Variants in IQGAP1 observed in about 807,000 individuals in gnomAD.
IQGAP1 encodes IQ motif containing GTPase activating protein 1.
In IQGAP1, 66 loss-of-function variants were observed where a neutral mutation model predicts 215.6. That is an observed-to-expected ratio of 0.31 (90% confidence interval 0.25 to 0.38). IQGAP1 has a LOEUF of 0.38. Among genes scored for constraint, IQGAP1 ranks in the 10% least tolerant of loss-of-function variants. The probability of loss-of-function intolerance (pLI) is 1.00; values close to 1 mark genes in which losing one functional copy is unlikely to be tolerated. For missense variants in IQGAP1, 1,712 were observed against 1,997.1 expected, an observed-to-expected ratio of 0.86 and a Z score of 2.72; for synonymous variants, 772 against 728.7, an observed-to-expected ratio of 1.06 and a Z score of -0.96.
At chr15:90,443,983 G>C (rs1297244748) in intron 9 of IQGAP1, among the ~76,000 whole-genome samples, 1 of 151,902 alleles carries the variant, frequency 6.6e-6, no homozygotes, top group East Asian at 1.9e-4. Flanking sequence ...AGAATTGCTT[G>C]AACCTGGGAG....
Position 90,466,090 on chromosome 15 carries a change from G to A in IQGAP1, c.1866G>A (p.Lys622=). 6.2e-7 allele frequency: 1 copy of A among 1,613,668 alleles called. No individual in the cohort carries two copies. ...ACAAAGACACCCAAGAAGCACAGAA[G>A]TGTATGTATCACCTGTTTTATTTCT... ...QSNKDTQEAQ[K]FALGIFAINE... is the part of the protein sequence containing the mutation. The change falls in exon 16 of 38, where the codon AAG becomes AAA. Residue 622 remains lysine (K), a splice_region_variant and synonymous_variant. Coordinates refer to ENST00000268182, the MANE Select transcript of IQGAP1 (RefSeq NM_003870.4).
chr15:90,445,039 T>C (rs1965507611), intron 9 of IQGAP1, among the ~76,000 whole-genome samples: 1 of 152,232 alleles, frequency 6.6e-6, no homozygotes, highest in Admixed American at 6.5e-5. Context: ...GGAGGATTGC[T>C]TGAGCCCAGG....
At chr15:90,411,915 T>C (rs1964971861) in intron 2 of IQGAP1, among the ~76,000 whole-genome samples, 1 of 152,130 alleles carries the variant, frequency 6.6e-6, no homozygotes, top group East Asian at 1.9e-4. Context: ...CGAAAAACTT[T>C]ATTGGAGTTT....
chr15:90,481,013 G>A (rs1179558125), intron 26 of IQGAP1, among the ~76,000 whole-genome samples: 1 of 152,128 alleles, frequency 6.6e-6, no homozygotes, highest in African/African-American at 2.4e-5. Context: ...ACCTCAAATT[G>A]GGTGGCTTAA....
chr15:90,446,729 C>T (rs1177952445), intron 9 of IQGAP1, among the ~76,000 whole-genome samples: 1 of 152,080 alleles, frequency 6.6e-6, no homozygotes, highest in Non-Finnish European at 1.5e-5. Flanking sequence ...GCAATGAGGC[C>T]ATTGATGCTG....
intron 19 of IQGAP1, 34 bp downstream of exon 19, chr15:90,473,044 G>A (rs1965927518): frequency 6.3e-7 from 1 of 1,596,936 alleles, no homozygotes; most frequent in African/African-American, 1.3e-5. Context: ...ACAGCAAGCG[G>A]GCATCTAGAG....
At position 90,474,153 on chromosome 15, in the gene IQGAP1, T is replaced by G. The variant is rs780433995; in HGVS notation, c.2575+20T>G. On this transcript the variant is annotated intron_variant, in intron 22 of 37. Transcript: ENST00000268182. ...CTCTCAGTGAGTAACTGGCTCCGCA[T>G]GAAGAGTTGAGGCAGTGGCTGGGAG... The G allele has an allele frequency of 1.9e-6, 3 of 1,596,510 alleles. No individual in the cohort carries two copies. The highest frequency in any genetic ancestry group is 1.4e-5 in the African/African-American group (1 of 74,056).
intron 5 of IQGAP1, among the ~76,000 whole-genome samples, chr15:90,438,834 C>T (rs975042963): frequency 2.0e-5 from 3 of 151,888 alleles, no homozygotes; most frequent in Non-Finnish European, 2.9e-5. Flanking sequence ...AAGCAATTCT[C>T]CTGCCTCAGC....
chr15:90,412,250 A>G (rs531007291), intron 2 of IQGAP1, among the ~76,000 whole-genome samples: 16 of 152,278 alleles, frequency 1.1e-4, no homozygotes, highest in East Asian at 5.8e-4. Flanking sequence ...GGCCTAATTT[A>G]TACTCAGGTT....
intron 15 of IQGAP1, among the ~76,000 whole-genome samples, chr15:90,460,235 A>G (rs1330770287): frequency 3.9e-5 from 6 of 152,176 alleles, no homozygotes; most frequent in Admixed American, 3.9e-4. Flanking sequence ...TGCCCATTTT[A>G]TATTTCATGA....
At chr15:90,416,215 C>T (rs1014002607) in intron 2 of IQGAP1, among the ~76,000 whole-genome samples, 1 of 151,518 alleles carries the variant, frequency 6.6e-6, no homozygotes, top group Non-Finnish European at 1.5e-5. Flanking sequence ...GTTCCCATGT[C>T]CCTACAAAGG....
chr15:90,473,041 G>C, intron 19 of IQGAP1, 31 bp downstream of exon 19: 1 of 1,602,440 alleles, frequency 6.2e-7, no homozygotes, highest in Non-Finnish European at 8.5e-7. Context: ...CAGACAGCAA[G>C]CGGGCATCTA....
intron 10 of IQGAP1, 118 bp from the exon 11 acceptor site, chr15:90,449,441 T>A: frequency 1.3e-6 from 1 of 789,680 alleles, no homozygotes; most frequent in South Asian, 1.9e-5. Context: ...TAGCCTGAGC[T>A]GTCACTTATG....
chr15:90,390,348 G>A (rs140284672), intron 1 of IQGAP1, among the ~76,000 whole-genome samples: 3 of 152,324 alleles, frequency 2.0e-5, no homozygotes, highest in Non-Finnish European at 4.4e-5. Flanking sequence ...CAGGATTGTT[G>A]TGGGGTTTCA....
intron 33 of IQGAP1, among the ~76,000 whole-genome samples, chr15:90,488,199 C>T (rs923931859): frequency 1.3e-5 from 2 of 151,048 alleles, no homozygotes; most frequent in Admixed American, 6.6e-5. Flanking sequence ...CCAGCCTGGG[C>T]GACAGAGCGA....
At chr15:90,426,750 C>A (rs1234808233) in intron 3 of IQGAP1, among the ~76,000 whole-genome samples, 1 of 151,746 alleles carries the variant, frequency 6.6e-6, no homozygotes, top group Non-Finnish European at 1.5e-5. Flanking sequence ...GTCAGGAGTT[C>A]GAGACCAGCC....
rs185280752 is a variant in IQGAP1 at position 90,474,477 on chromosome 15, T to G, written c.2576-8T>G. The G allele has an allele frequency of 1.2e-6, 2 of 1,610,260 alleles. No individual in the cohort carries two copies. The highest frequency in any genetic ancestry group is 2.7e-5 in the African/African-American group (2 of 74,828). ...TAACTCCATTCTTTGATGCATACTT[T>G]CTGTCAGTCAATGCTGAGGATCCTC... On this transcript the variant is annotated splice_polypyrimidine_tract_variant and splice_region_variant and intron_variant, in intron 22 of 37. Transcript: ENST00000268182.
rs531614559 is a variant in IQGAP1, at chr15:90,465,564, G to A, written c.1777-437G>A. Among the ~76,000 whole-genome samples, 6 of 152,214 alleles carry A rather than the reference G, an allele frequency of 3.9e-5. No homozygotes were observed. The East Asian group carries it at 1.2e-3, about 29-fold the overall frequency. ...CTATACTCTTGACTGGAGTGCAGTGGTAAGAACATGGCTCACTGCAGCCTA... is the reference window on the plus strand; with the variant it reads ...CTATACTCTTGACTGGAGTGCAGTGATAAGAACATGGCTCACTGCAGCCTA... On this transcript the variant is annotated intron_variant, in intron 15 of 37. Coordinates refer to ENST00000268182, the MANE Select transcript of IQGAP1 (RefSeq NM_003870.4).
chr15:90,403,050 A>G (rs1193447690), intron 2 of IQGAP1, among the ~76,000 whole-genome samples: 1 of 152,138 alleles, frequency 6.6e-6, no homozygotes, highest in Non-Finnish European at 1.5e-5. Flanking sequence ...GAGGGAGGAT[A>G]GCATCAGGCC....
Sources: gnomAD v4.1 joint callset for allele counts (sites outside exome capture counted in the v4.1 genomes callset) on GRCh38, gnomAD v4.1.1 for gene constraint, MANE v1.5 for transcripts, NCBI Gene and HGNC (gene_info 2026-07-23, HGNC 2026-07-21) for gene names.